KANSL1L: variants seen among roughly 807,000 people sequenced by gnomAD.
KANSL1L encodes KAT8 regulatory NSL complex subunit 1-like protein.
A neutral mutation model predicts 108.6 loss-of-function variants in KANSL1L; 25 were observed. The ratio of observed to expected loss-of-function variants is 0.23; its 90% CI spans 0.17 to 0.32. The LOEUF (loss-of-function observed/expected upper bound fraction) is 0.32. KANSL1L is among the 10% of genes least tolerant of loss of function. KANSL1L has a pLI of 1.00. For missense variants in KANSL1L, 1,137 were observed against 1,125.7 expected (o/e 1.01, Z -0.14); for synonymous variants, 405 against 395.1 (o/e 1.03, Z -0.30).
intron 5 of KANSL1L, chr2:210,089,047 C>A: frequency 6.1e-6 from 1 of 163,624 alleles, no homozygotes; most frequent in South Asian, 1.7e-4. Context: ...AATTTACCCT[C>A]ACAAATGGGT....
intron 2 of KANSL1L, among the ~76,000 whole-genome samples, chr2:210,146,339 G>A (rs559806611): frequency 3.9e-5 from 6 of 152,030 alleles, no homozygotes; most frequent in East Asian, 1.9e-4. Flanking sequence ...TTTTTTGTTC[G>A]GGAGTGAAGA....
At chr2:210,034,491 C>T (rs1444502837) in intron 8 of KANSL1L, among the ~76,000 whole-genome samples, 1 of 152,114 alleles carries the variant, frequency 6.6e-6, no homozygotes, top group African/African-American at 2.4e-5. Context: ...AGGAGCCAGC[C>T]TATGTAGATA....
At chr2:210,151,209 T>C (rs972054139) in intron 2 of KANSL1L, among the ~76,000 whole-genome samples, 3 of 152,208 alleles carry the variant, frequency 2.0e-5, no homozygotes, top group Middle Eastern at 3.4e-3. Flanking sequence ...TTTGTATAGA[T>C]GAGGTTTTGC....
chr2:210,091,948 G>A (rs1416225353), intron 5 of KANSL1L, among the ~76,000 whole-genome samples: 1 of 152,040 alleles, frequency 6.6e-6, no homozygotes, highest in Non-Finnish European at 1.5e-5. Flanking sequence ...GAGTTTCTAG[G>A]TAAACAGTTA....
At chr2:210,030,290 G>A (rs1367949062) in intron 9 of KANSL1L, among the ~76,000 whole-genome samples, 3 of 151,662 alleles carry the variant, frequency 2.0e-5, no homozygotes, top group African/African-American at 7.3e-5. Flanking sequence ...TAATTTATGT[G>A]AGGTATCTGT....
chr2:210,058,548 T>C (rs1167477456), intron 6 of KANSL1L, among the ~76,000 whole-genome samples: 1 of 152,076 alleles, frequency 6.6e-6, no homozygotes, highest in South Asian at 2.1e-4. Flanking sequence ...AACTTGCTGC[T>C]TTTGGCCAGG....
At chr2:210,085,843 T>C (rs2094632310) in intron 5 of KANSL1L, among the ~76,000 whole-genome samples, 1 of 150,856 alleles carries the variant, frequency 6.6e-6, no homozygotes, top group African/African-American at 2.4e-5. Context: ...TTCACTTATA[T>C]AATATTAGGT....
intron 6 of KANSL1L, among the ~76,000 whole-genome samples, chr2:210,060,053 A>C (rs1038050961): frequency 3.9e-4 from 59 of 152,286 alleles, no homozygotes; most frequent in African/African-American, 1.4e-3. Context: ...TCCAGTAAGA[A>C]TTTAAATTTC....
chr2:210,075,288 ATTAGT>A (rs1342530028), intron 6 of KANSL1L, among the ~76,000 whole-genome samples: 2 of 152,102 alleles, frequency 1.3e-5, no homozygotes, highest in African/African-American at 4.8e-5. Flanking sequence ...TTTCTCTCAA[ATTAGT>A]TTAGGCATAA....
At chr2:210,090,512 G>C (rs1246632140) in intron 5 of KANSL1L, among the ~76,000 whole-genome samples, 3 of 152,112 alleles carry the variant, frequency 2.0e-5, no homozygotes, top group African/African-American at 7.2e-5. Context: ...TATTATCACA[G>C]TAAATTACCA....
intron 6 of KANSL1L, among the ~76,000 whole-genome samples, chr2:210,047,103 C>CTTCTATTGTT (rs2094232492): frequency 6.6e-6 from 1 of 151,954 alleles, no homozygotes; most frequent in African/African-American, 2.4e-5. Context: ...CAGGGCCATT[C>CTTCTATTGTT]TTCTATTGTC....
chr2:210,099,001 C>T (rs2094766351), intron 4 of KANSL1L, among the ~76,000 whole-genome samples: 1 of 151,906 alleles, frequency 6.6e-6, no homozygotes, highest in Admixed American at 6.6e-5. Flanking sequence ...ATTTTCATTA[C>T]ACCTGTAATC....
chr2:210,028,873 G>A lies in KANSL1L; in HGVS notation c.2368C>T (p.Leu790Phe). Residue 790 changes from leucine to phenylalanine, a missense_variant, in exon 11 of 15, where the codon CTC (leucine) becomes TTC (phenylalanine). Physicochemically the swap from Leu to Phe is conservative, Grantham distance 22. Around this residue, in one of 3 missense-constraint regions of KANSL1L, gnomAD observed 575 missense variants for 567.1 expected, o/e 1.01. Transcript: ENST00000281772. The part of the protein sequence containing the change: ...SLVAPAKLEK[L>F]QYKEILTPSW... ...GGAGTAAGTATTTCCTTATATTGGAGTTTCTCTAATTTAGCTGGGGCTACT... is the reference window on the plus strand; with the variant it reads ...GGAGTAAGTATTTCCTTATATTGGAATTTCTCTAATTTAGCTGGGGCTACT... 6.3e-7 allele frequency: 1 copy of A among 1,597,038 alleles called. No individual in the cohort carries two copies. Among genetic ancestry groups the A allele is most frequent in the South Asian group, 1.1e-5 (1 of 90,272 alleles).
chr2:210,098,307 CAT>C (rs142217035), intron 4 of KANSL1L, 100 bp from the exon 5 acceptor site: 14,260 of 1,042,266 alleles, frequency 0.014, 138 homozygotes, highest in Non-Finnish European at 0.016. Flanking sequence ...TCATGACACA[CAT>C]GTTTTTATTT....
At position 210,022,836 on chromosome 2, in the gene KANSL1L, G is replaced by T. The variant is rs539511619; in HGVS notation, c.*113C>A. On this transcript the variant is annotated 3_prime_UTR_variant, in exon 15 of 15. Coordinates refer to ENST00000281772, the MANE Select transcript of KANSL1L (RefSeq NM_152519.4). ...TGCCTGTTTCATAAACAGCATAAAA[G>T]ATTAATACATGCAGAACATGCTCTT... 6.9e-5 allele frequency: 51 copies of T among 738,146 alleles called. No individual in the cohort carries two copies. The highest frequency in any genetic ancestry group is 3.7e-4 in the Middle Eastern group (1 of 2,718). 45.7% of individuals were successfully genotyped at this position (738,146 alleles called of 1,614,324 possible). A position where few individuals can be genotyped will look rare whatever the true frequency, so the allele number is the denominator to read the frequency against.
intron 8 of KANSL1L, 63 bp from the exon 9 acceptor site, chr2:210,031,609 A>G: frequency 9.4e-7 from 1 of 1,065,876 alleles, no homozygotes; most frequent in Non-Finnish European, 1.3e-6. Context: ...GAACATGTCA[A>G]TCTGTTTTTA....
chr2:210,030,010 C>T, intron 9 of KANSL1L, 92 bp from the exon 10 acceptor site: 1 of 565,020 alleles, frequency 1.8e-6, no homozygotes, highest in Middle Eastern at 4.4e-4. Flanking sequence ...TGATTGATTC[C>T]TTGTTTTGTG....
At chr2:210,097,344 A>G (rs2094746852) in intron 5 of KANSL1L, 2 of 784,156 alleles carry the variant, frequency 2.6e-6, no homozygotes, top group African/African-American at 3.8e-5. Flanking sequence ...TTTTTAACAC[A>G]AATATTTCCC....
rs542932322 is a variant in KANSL1L at position 210,143,423 on chromosome 2, G to A, written c.1088+10072C>T. On this transcript the variant is annotated intron_variant, in intron 2 of 14. Coordinates refer to ENST00000281772, the MANE Select transcript of KANSL1L (RefSeq NM_152519.4). ...ACTGACTATATATGTTTTTAAATTG[G>A]ATAATTTAATCCATTTATATCCGAG... Among the ~76,000 whole-genome samples the A allele has an allele frequency of 1.1e-4, 17 of 152,056 alleles. No homozygotes were observed. In the East Asian group the frequency reaches 3.1e-3, roughly 28 times the overall value.
Sources: allele counts gnomAD v4.1 joint callset (sites outside exome capture counted in the v4.1 genomes callset), GRCh38; gene constraint gnomAD v4.1.1; regional missense constraint gnomAD v4.1.1; transcripts MANE v1.5; gene names NCBI Gene and HGNC (gene_info 2026-07-23, HGNC 2026-07-21).